The following DIAPH2 variants were observed in gnomAD, a reference collection of about 807,000 sequenced individuals.
DIAPH2 encodes diaphanous related formin 2, also known as protein diaphanous homolog 2.
Under a neutral mutation model 92.7 loss-of-function variants are expected in DIAPH2, and 35 were observed. That is an observed-to-expected ratio of 0.38 (90% confidence interval 0.29 to 0.50). The LOEUF (loss-of-function observed/expected upper bound fraction) is 0.50. DIAPH2 is among the 20% of genes least tolerant of loss of function. DIAPH2 has a pLI of 0.94. For synonymous variants in DIAPH2, 301 were observed against 280.4 expected, an observed-to-expected ratio of 1.07 and a Z score of -0.73; for missense variants, 701 against 819.5, an observed-to-expected ratio of 0.86 and a Z score of 1.77.
At chrX:97,034,339 G>A (rs1428666398) in intron 17 of DIAPH2, among the ~76,000 whole-genome samples, 12 of 110,438 alleles carry the variant, frequency 1.1e-4, no homozygotes, top group African/African-American at 1.3e-4. Context: ...GAGTAGAAAC[G>A]TATGTATGAT....
intron 23 of DIAPH2, among the ~76,000 whole-genome samples, chrX:97,297,176 C>T (rs2068652209): frequency 1.0e-5 from 1 of 98,570 alleles, no homozygotes; most frequent in Admixed American, 1.2e-4. Flanking sequence ...GCACTATGAG[C>T]TAACCAAGTC....
intron 4 of DIAPH2, among the ~76,000 whole-genome samples, chrX:96,854,719 G>A (rs1453272149): frequency 2.0e-5 from 2 of 101,443 alleles, no homozygotes; most frequent in Non-Finnish European, 4.0e-5. Context: ...TGGACAAAGA[G>A]AGGATTTGTA....
intron 19 of DIAPH2, among the ~76,000 whole-genome samples, chrX:97,076,550 C>T (rs1363135761): frequency 5.4e-5 from 6 of 111,225 alleles, no homozygotes; most frequent in Non-Finnish European, 1.9e-5. Context: ...TGAAACAAAA[C>T]AAAACAAAAC....
intron 26 of DIAPH2, among the ~76,000 whole-genome samples, chrX:97,484,401 A>G (rs964461034): frequency 2.3e-4 from 26 of 112,336 alleles, no homozygotes; most frequent in African/African-American, 8.1e-4. Flanking sequence ...GAATTAAATA[A>G]CATAACGAAT....
Position 97,599,320 on chromosome X carries a change from C to A in DIAPH2, c.*3C>A. On this transcript the variant is annotated 3_prime_UTR_variant, in exon 27 of 27. Transcript: ENST00000324765. ...ATGGAGCTATCTCATCTAAGTGATT[C>A]CTGATGCCAAAGAATATGAAAATAT... 1 of 1,159,675 alleles carries A rather than the reference C, an allele frequency of 8.6e-7. No individual in the cohort carries two copies. Among genetic ancestry groups the A allele is most frequent in the Non-Finnish European group, 1.2e-6 (1 of 855,216 alleles).
intron 4 of DIAPH2, among the ~76,000 whole-genome samples, chrX:96,798,423 T>G (rs2147646039): frequency 9.0e-6 from 1 of 111,490 alleles, no homozygotes; most frequent in Non-Finnish European, 1.9e-5. Flanking sequence ...TCATTTCAGA[T>G]ATGGTATTTT....
At chrX:96,774,936 G>T (rs1253689249) in intron 4 of DIAPH2, among the ~76,000 whole-genome samples, 1 of 112,048 alleles carries the variant, frequency 8.9e-6, no homozygotes, top group Admixed American at 9.4e-5. Flanking sequence ...CAATTCCTCT[G>T]ACACTGAACT....
intron 25 of DIAPH2, among the ~76,000 whole-genome samples, chrX:97,400,884 C>T: frequency 9.1e-6 from 1 of 109,504 alleles, no homozygotes; most frequent in East Asian, 2.8e-4. Context: ...TATACTTACC[C>T]ACATATTATT....
At chrX:96,911,669 C>T (rs974208849) in intron 5 of DIAPH2, among the ~76,000 whole-genome samples, 1 of 111,349 alleles carries the variant, frequency 9.0e-6, no homozygotes, top group Admixed American at 9.6e-5. Context: ...AAATAGCAGC[C>T]TGCCACTCCT....
At chrX:97,353,154 A>T (rs2069234452) in intron 24 of DIAPH2, among the ~76,000 whole-genome samples, 1 of 110,898 alleles carries the variant, frequency 9.0e-6, no homozygotes, top group Non-Finnish European at 1.9e-5. Flanking sequence ...TATACAAATA[A>T]ATCAAATTCC....
At chrX:96,954,464 G>A (rs761195754) in intron 15 of DIAPH2, among the ~76,000 whole-genome samples, 15 of 112,156 alleles carry the variant, frequency 1.3e-4, no homozygotes, top group Admixed American at 2.8e-4. Context: ...TAGAGAATGA[G>A]CTTGAAGTTA....
intron 5 of DIAPH2, among the ~76,000 whole-genome samples, chrX:96,893,807 C>T (rs755803026): frequency 8.9e-6 from 1 of 111,754 alleles, no homozygotes; most frequent in Non-Finnish European, 1.9e-5. Flanking sequence ...CCAGCTGGCA[C>T]CTGGAGTGCA....
chrX:96,929,688 GC>G (rs1453898870), intron 9 of DIAPH2, among the ~76,000 whole-genome samples: 1 of 110,983 alleles, frequency 9.0e-6, no homozygotes, highest in African/African-American at 3.3e-5. Context: ...TTTTTCCCAT[GC>G]TAACTATTAA....
chrX:96,704,012 T>G (rs1380364006), intron 1 of DIAPH2, among the ~76,000 whole-genome samples: 1 of 111,465 alleles, frequency 9.0e-6, no homozygotes, highest in East Asian at 2.8e-4. Flanking sequence ...TACTGCTGCC[T>G]CGGACTGTTG....
At chrX:97,251,353 G>T (rs2068187002) in intron 23 of DIAPH2, among the ~76,000 whole-genome samples, 1 of 110,856 alleles carries the variant, frequency 9.0e-6, no homozygotes, top group African/African-American at 3.3e-5. Flanking sequence ...ACCCATGAAG[G>T]CTGGTTCAGA....
chrX:96,750,421 A>G (rs1185496397), intron 3 of DIAPH2, among the ~76,000 whole-genome samples: 3 of 111,861 alleles, frequency 2.7e-5, no homozygotes, highest in Middle Eastern at 4.6e-3. Flanking sequence ...TATTGTAAAT[A>G]TTTTATTGTA....
At chrX:96,890,553 T>G (rs1018745675) in intron 5 of DIAPH2, among the ~76,000 whole-genome samples, 1 of 111,597 alleles carries the variant, frequency 9.0e-6, no homozygotes, top group African/African-American at 3.3e-5. Context: ...ACCGTTGTCC[T>G]CTCGTGGGTA....
chrX:97,438,347 T>G lies in DIAPH2; in HGVS notation c.3241+8602T>G, dbSNP rs369055122. 3.3e-3 allele frequency among the ~76,000 whole-genome samples: 267 copies of G among 81,514 alleles called. 3 individuals are homozygous for G. The highest frequency in any genetic ancestry group is 0.011 in the African/African-American group (233 of 21,858). The allele number at this position is 81,514 out of a possible 115,157, so 70.8% of individuals were successfully genotyped here. A position where few individuals can be genotyped will look rare whatever the true frequency, so the allele number is the denominator to read the frequency against. ...CAAGAGGCAGCTTCTTGTTTTTTTT[T>G]TTTGTTTGTTTGTTTTTTTTTTTTT... On this transcript the variant is annotated intron_variant, in intron 26 of 26. Coordinates refer to ENST00000324765, the MANE Select transcript of DIAPH2 (RefSeq NM_006729.5).
intron 26 of DIAPH2, among the ~76,000 whole-genome samples, chrX:97,432,721 A>G (rs2147779309): frequency 9.0e-6 from 1 of 111,546 alleles, no homozygotes; most frequent in Admixed American, 9.5e-5. Context: ...TCCTGACCTC[A>G]GGTGATCCGC....
Sources: gnomAD v4.1 joint callset for allele counts (sites outside exome capture counted in the v4.1 genomes callset) on GRCh38, gnomAD v4.1.1 for gene constraint, MANE v1.5 for transcripts, NCBI Gene and HGNC (gene_info 2026-07-23, HGNC 2026-07-21) for gene names.